PCYT1A: variants seen among roughly 807,000 people sequenced by gnomAD.
The protein encoded by PCYT1A is choline-phosphate cytidylyltransferase A.
Under a neutral mutation model 43.7 loss-of-function variants are expected in PCYT1A, and 25 were observed. The ratio of observed to expected loss-of-function variants is 0.57; its 90% confidence interval spans 0.42 to 0.80. PCYT1A has a LOEUF of 0.80. PCYT1A is among the 30% of genes least tolerant of loss of function. PCYT1A has a pLI of 0.00. For synonymous variants in PCYT1A, 172 were observed against 170.7 expected, an observed-to-expected ratio of 1.01 and a Z score of -0.06; for missense variants, 421 against 474.2, an observed-to-expected ratio of 0.89 and a Z score of 1.04.
chr3:196,254,344 A>AT (rs1376515402), intron 3 of PCYT1A, among the ~76,000 whole-genome samples: 1 of 151,196 alleles, frequency 6.6e-6, no homozygotes, highest in East Asian at 1.9e-4. Flanking sequence ...TATTTTTTTA[A>AT]TTTTTATTTA....
chr3:196,248,441 G>A (rs1320204213), intron 3 of PCYT1A, 118 bp from the exon 4 acceptor site: 10 of 552,360 alleles, frequency 1.8e-5, no homozygotes, highest in South Asian at 3.8e-5. Context: ...GCGTGATCTC[G>A]GCTCACTGCA....
At position 196,259,433 on chromosome 3, in the gene PCYT1A, G is replaced by A. The variant is rs188949995; in HGVS notation, c.118-1546C>T. On this transcript the variant is annotated intron_variant, in intron 2 of 8. Transcript: ENST00000431016. ...AGTGATGTTCCGTTCTAAAAAGATCGTATCATGATTGGGCTGAATCCAGAG... is the reference window on the plus strand; with the variant it reads ...AGTGATGTTCCGTTCTAAAAAGATCATATCATGATTGGGCTGAATCCAGAG... Among the ~76,000 whole-genome samples, 10 of 152,142 alleles carry A rather than the reference G, an allele frequency of 6.6e-5. No individual in the cohort carries two copies. The East Asian group carries it at 1.2e-3, about 18-fold the overall frequency.
chr3:196,266,198 T>A (rs1191967021), intron 2 of PCYT1A, among the ~76,000 whole-genome samples: 1 of 151,906 alleles, frequency 6.6e-6, no homozygotes, highest in Admixed American at 6.6e-5. Context: ...AAAGGCCAGG[T>A]GCAGTAGCTC....
At position 196,247,622 on chromosome 3, in the gene PCYT1A, T is replaced by C. The variant is rs1469092653; in HGVS notation, c.335-104A>G. On this transcript the variant is annotated intron_variant, in intron 4 of 8. Coordinates refer to ENST00000431016, the MANE Select transcript of PCYT1A (RefSeq NM_001312673.2). The surrounding 1 kb of genome is among the most constrained non-coding windows in gnomAD (Gnocchi z 4.8). The stretch of plus-strand genomic sequence containing the variant: ...CTCCCACTGCTTAGGACTGCAACCA[T>C]CTTCCCCAACTGGAAAAAAGTCTTC... 1.1e-5 allele frequency: 13 copies of C among 1,144,728 alleles called. No individual in the cohort carries two copies. Among genetic ancestry groups the C allele is most frequent in the Non-Finnish European group, 1.2e-5 (9 of 762,190 alleles). The allele number at this position is 1,144,728 out of a possible 1,614,324, so 70.9% of individuals were successfully genotyped here.
intron 1 of PCYT1A, among the ~76,000 whole-genome samples, chr3:196,276,884 C>A (rs1472113602): frequency 6.6e-6 from 1 of 151,754 alleles, no homozygotes; most frequent in Non-Finnish European, 1.5e-5. Flanking sequence ...TGCACTGAGC[C>A]ATGATCATGC....
chr3:196,285,696 C>A (rs1725890718), intron 1 of PCYT1A, among the ~76,000 whole-genome samples: 1 of 152,164 alleles, frequency 6.6e-6, no homozygotes, highest in Non-Finnish European at 1.5e-5. Flanking sequence ...ATTGAAGTCT[C>A]TCCCATGTGG....
intron 1 of PCYT1A, among the ~76,000 whole-genome samples, chr3:196,279,328 TTG>T (rs1208818016): frequency 8.0e-6 from 1 of 125,522 alleles, no homozygotes; most frequent in East Asian, 6.0e-4. Context: ...AATACAGCAA[TTG>T]TTAAGACCTG....
At chr3:196,264,569 A>G (rs2108775092) in intron 2 of PCYT1A, among the ~76,000 whole-genome samples, 1 of 152,262 alleles carries the variant, frequency 6.6e-6, no homozygotes, top group Non-Finnish European at 1.5e-5. Flanking sequence ...TTCCCAAACC[A>G]CTGCCCCTAC....
intron 3 of PCYT1A, among the ~76,000 whole-genome samples, chr3:196,256,610 G>A (rs1008346237): frequency 6.6e-6 from 1 of 152,110 alleles, no homozygotes; most frequent in Non-Finnish European, 1.5e-5. Flanking sequence ...CATGATCTCA[G>A]CTCACTGCAA....
Position 196,248,287 on chromosome 3 carries a change from A to G in PCYT1A, c.254T>C (p.Phe85Ser). ...GGCGTGACCAGAGTGAAATAAGTCA[A>G]ATATTCCATCGGCATAAACTCTCAC... The part of the protein sequence containing the change: ...RPVRVYADGI[F>S]DLFHSGHARA... Residue 85 changes from phenylalanine to serine, a missense_variant, in exon 4 of 9, where the codon TTT becomes TCT. Phe to Ser is a radical substitution (Grantham distance 155, BLOSUM62 -2). Around this residue, in one of 3 missense-constraint regions of PCYT1A, gnomAD observed 139 missense variants for 117.7 expected, o/e 1.18. Transcript: ENST00000431016. The G allele has an allele frequency of 6.2e-7, 1 of 1,613,090 alleles. No homozygotes were observed. The highest frequency in any genetic ancestry group is 8.5e-7 in the Non-Finnish European group (1 of 1,179,044).
At position 196,247,498 on chromosome 3, in the gene PCYT1A, G is replaced by A. The variant is rs758461951; in HGVS notation, c.355C>T (p.His119Tyr). ...ATCACCGTGAAGCCTTTGAAGTTGT[G>A]TGTGAGCTCATCACTGCAAACTGGT... ...IVGVCSDELT[H>Y]NFKGFTVMNE... The change falls in exon 5 of 9, where the codon CAC (histidine) becomes TAC (tyrosine). Residue 119 changes from histidine to tyrosine, a missense_variant. This residue lies in a region of PCYT1A where 174 missense variants were observed against 270.7 expected (regional missense o/e 0.64). Coordinates refer to ENST00000431016, the MANE Select transcript of PCYT1A (RefSeq NM_001312673.2). This position sits in a 1 kb window ranked among gnomAD's most constrained non-coding sequence, Gnocchi z 4.8. The A allele has an allele frequency of 3.7e-6, 6 of 1,614,134 alleles. No homozygotes were observed. The Admixed American group carries it at 8.3e-5, about 22-fold the overall frequency.
intron 1 of PCYT1A, among the ~76,000 whole-genome samples, chr3:196,276,914 C>G (rs960983321): frequency 3.3e-5 from 5 of 149,960 alleles, no homozygotes; most frequent in Admixed American, 6.6e-5. Context: ...CCAGCCTGGA[C>G]AGCAAAGTGA....
At chr3:196,250,314 G>A (rs1200880023) in intron 3 of PCYT1A, among the ~76,000 whole-genome samples, 1 of 151,878 alleles carries the variant, frequency 6.6e-6, no homozygotes. Context: ...CTGAGGCTGA[G>A]GATCAGATAC....
In PCYT1A at chr3:196,242,462, A is replaced by C. The variant is rs1309170749; in HGVS notation, c.565+100T>G. The C allele has an allele frequency of 1.2e-6, 1 of 846,916 alleles. No homozygotes were observed. The highest frequency in any genetic ancestry group is 2.1e-6 in the Non-Finnish European group (1 of 482,226). 52.5% of individuals were successfully genotyped at this position (846,916 alleles called of 1,614,324 possible). On this transcript the variant is annotated intron_variant, in intron 6 of 8. Coordinates refer to ENST00000431016, the MANE Select transcript of PCYT1A (RefSeq NM_001312673.2). The surrounding 1 kb of genome is among the most constrained non-coding windows in gnomAD (Gnocchi z 4.2). ...AAATGTGGCCTGAAAGAGGATGTTGAATTTCTAATGTACACATTTTCCTCT... is the reference window on the plus strand; with the variant it reads ...AAATGTGGCCTGAAAGAGGATGTTGCATTTCTAATGTACACATTTTCCTCT...
chr3:196,252,000 C>T (rs1232093680), intron 3 of PCYT1A, among the ~76,000 whole-genome samples: 1 of 152,200 alleles, frequency 6.6e-6, no homozygotes, highest in Non-Finnish European at 1.5e-5. Flanking sequence ...ACCTCCACCT[C>T]CCAGGCTCAA....
At chr3:196,241,906 T>C (rs748056267) in intron 7 of PCYT1A, 42 bp downstream of exon 7, 27 of 1,611,086 alleles carry the variant, frequency 1.7e-5, no homozygotes, top group Non-Finnish European at 1.7e-6. Flanking sequence ...GTGATATGTC[T>C]CCTACAGAGT....
In PCYT1A at chr3:196,238,450, G is replaced by GA. The variant is rs201500990; in HGVS notation, c.*237_*238insT. ...AACAGTGAAACAAAGCCCTTGGGGGGGGGTAAATGGATGCAGAGCAGGCTT... is the reference window on the plus strand; with the variant it reads ...AACAGTGAAACAAAGCCCTTGGGGGGAGGGTAAATGGATGCAGAGCAGGCTT... On this transcript the variant is annotated 3_prime_UTR_variant, in exon 9 of 9. Coordinates refer to ENST00000431016, the MANE Select transcript of PCYT1A (RefSeq NM_001312673.2). 25 of 363,336 alleles carry GA rather than the reference G, an allele frequency of 6.9e-5. No homozygotes were observed. Among genetic ancestry groups the GA allele is most frequent in the Admixed American group, 1.4e-4 (3 of 21,548 alleles). 22.5% of individuals were successfully genotyped at this position (363,336 alleles called of 1,614,324 possible).
intron 5 of PCYT1A, among the ~76,000 whole-genome samples, chr3:196,244,091 C>T (rs1724465998): frequency 6.9e-6 from 1 of 145,490 alleles, no homozygotes; most frequent in Non-Finnish European, 1.5e-5. Context: ...ATGTGGGGAG[C>T]GCCTCTGCCC....
chr3:196,286,278 T>TTG (rs1725911846), intron 1 of PCYT1A, among the ~76,000 whole-genome samples: 1 of 151,942 alleles, frequency 6.6e-6, no homozygotes, highest in African/African-American at 2.4e-5. Context: ...AGATGCCGAG[T>TTG]TTCAGCTCTC....
Sources: gnomAD v4.1 joint callset for allele counts (sites outside exome capture counted in the v4.1 genomes callset) on GRCh38, gnomAD v4.1.1 for gene constraint, gnomAD v4.1.1 regional missense constraint, Gnocchi (gnomAD v3.1) non-coding constraint, MANE v1.5 for transcripts, NCBI Gene and HGNC (gene_info 2026-07-23, HGNC 2026-07-21) for gene names.